Variants in MKLN1 observed in about 807,000 individuals in gnomAD.
MKLN1 encodes muskelin.
In MKLN1, 18 loss-of-function variants were observed where a neutral mutation model predicts 99.0. That is an observed-to-expected ratio of 0.18 (90% CI 0.13 to 0.27). MKLN1 has a LOEUF of 0.27. MKLN1 is among the 10% of genes least tolerant of loss of function. The probability of loss-of-function intolerance (pLI) is 1.00; values close to 1 mark genes in which losing one functional copy is unlikely to be tolerated. For missense variants in MKLN1, 621 were observed against 875.9 expected, an observed-to-expected ratio of 0.71 and a Z score of 3.67; for synonymous variants, 288 against 293.2, an observed-to-expected ratio of 0.98 and a Z score of 0.18.
intron 3 of MKLN1, among the ~76,000 whole-genome samples, chr7:131,292,557 G>T (rs1200694566): frequency 6.6e-6 from 1 of 152,164 alleles, no homozygotes; most frequent in Non-Finnish European, 1.5e-5. Context: ...GTCCTTATAA[G>T]AAGACCAGGG....
chr7:131,173,249 G>A (rs188995368), intron 2 of MKLN1, among the ~76,000 whole-genome samples: 2 of 152,044 alleles, frequency 1.3e-5, no homozygotes, highest in East Asian at 3.9e-4. Context: ...CCATCTTGAA[G>A]GAAATATTAA....
intron 1 of MKLN1, among the ~76,000 whole-genome samples, chr7:131,116,938 C>T (rs541521604): frequency 6.6e-6 from 1 of 152,036 alleles, no homozygotes; most frequent in Non-Finnish European, 1.5e-5. Flanking sequence ...CTATGGAGGG[C>T]AATCTGGCAA....
Position 131,496,536 on chromosome 7 carries a change from A to G in MKLN1, c.*8808A>G, listed in dbSNP as rs968757085. 11 of 152,112 alleles carry G rather than the reference A, an allele frequency of 7.2e-5. No individual in the cohort carries two copies. Among genetic ancestry groups the G allele is most frequent in the Admixed American group, 5.9e-4 (9 of 15,274 alleles). 9.4% of individuals were successfully genotyped at this position (152,112 alleles called of 1,614,324 possible). ...GAATAAATAAATGAGTGATCTGCTA[A>G]AAATGGCAATTGTAGAATTATGTTG... On this transcript the variant is annotated 3_prime_UTR_variant, in exon 18 of 18. Coordinates refer to ENST00000352689, the MANE Select transcript of MKLN1 (RefSeq NM_013255.5).
At chr7:131,403,590 A>C (rs995546352) in intron 6 of MKLN1, among the ~76,000 whole-genome samples, 1 of 152,076 alleles carries the variant, frequency 6.6e-6, no homozygotes, top group Non-Finnish European at 1.5e-5. Flanking sequence ...AATTATTTCT[A>C]GTTTTTTTAT....
At chr7:131,353,918 A>C (rs1419091660) in intron 1 of MKLN1, among the ~76,000 whole-genome samples, 8 of 151,150 alleles carry the variant, frequency 5.3e-5, no homozygotes, top group Admixed American at 4.6e-4. Context: ...AAAAAAAAAA[A>C]AAAAAACCAG....
At chr7:131,406,683 C>G (rs375281484) in intron 6 of MKLN1, among the ~76,000 whole-genome samples, 1 of 151,964 alleles carries the variant, frequency 6.6e-6, no homozygotes, top group Non-Finnish European at 1.5e-5. Flanking sequence ...TGCAGCTCAA[C>G]TCTCTCAGAA....
intron 17 of MKLN1, among the ~76,000 whole-genome samples, chr7:131,480,082 A>G (rs185539260): frequency 1.6e-3 from 243 of 151,542 alleles, no homozygotes; most frequent in Non-Finnish European, 2.9e-3. Flanking sequence ...TAGAACCCAG[A>G]CCTTTACTTG....
At chr7:131,414,619 A>T in intron 7 of MKLN1, 26 bp from the exon 8 acceptor site, 1 of 1,535,378 alleles carries the variant, frequency 6.5e-7, no homozygotes. Context: ...TTATTCCTTT[A>T]AAAGAAACTA....
chr7:131,440,137 G>A (rs901186938), intron 10 of MKLN1, among the ~76,000 whole-genome samples: 2 of 152,186 alleles, frequency 1.3e-5, no homozygotes, highest in African/African-American at 4.8e-5. Context: ...GCCACTAGAA[G>A]AATCAGTGAA....
intron 3 of MKLN1, among the ~76,000 whole-genome samples, chr7:131,208,634 G>A (rs981837480): frequency 1.3e-5 from 2 of 152,182 alleles, no homozygotes; most frequent in East Asian, 1.9e-4. Context: ...CTGGTAATAT[G>A]TTACAGATAT....
chr7:131,307,401 C>T (rs575870139), intron 3 of MKLN1, among the ~76,000 whole-genome samples: 8 of 152,230 alleles, frequency 5.3e-5, no homozygotes, highest in African/African-American at 1.7e-4. Flanking sequence ...AAGAGGACAA[C>T]CATCCTCCAG....
upstream of MKLN1, chr7:131,323,431 C>T (rs974863762): frequency 3.3e-5 from 5 of 152,172 alleles, no homozygotes; most frequent in Non-Finnish European, 5.9e-5. Flanking sequence ...CAGTGGAAGT[C>T]AGTCTCTTAT....
chr7:131,233,582 AT>A (rs1194137005), intron 3 of MKLN1, among the ~76,000 whole-genome samples: 1 of 151,858 alleles, frequency 6.6e-6, no homozygotes, highest in Non-Finnish European at 1.5e-5. Flanking sequence ...GTTTTTAGAT[AT>A]TTTAAAAATA....
chr7:131,440,027 C>T (rs1215424236), intron 10 of MKLN1, among the ~76,000 whole-genome samples: 2 of 152,046 alleles, frequency 1.3e-5, no homozygotes, highest in Admixed American at 1.3e-4. Context: ...TTGAAGCCCA[C>T]AACAGTATAA....
chr7:131,317,264 A>G (rs1410330212), intron 3 of MKLN1, among the ~76,000 whole-genome samples: 2 of 152,228 alleles, frequency 1.3e-5, no homozygotes, highest in Non-Finnish European at 2.9e-5. Flanking sequence ...CTCTCTGCAG[A>G]AACCCTACAA....
At chr7:131,190,996 C>T (rs972060390) in intron 2 of MKLN1, among the ~76,000 whole-genome samples, 1 of 152,306 alleles carries the variant, frequency 6.6e-6, no homozygotes, top group Non-Finnish European at 1.5e-5. Context: ...GGAGTGAGGA[C>T]CGAGACTCTC....
chr7:131,232,800 G>A (rs181552867), intron 3 of MKLN1, among the ~76,000 whole-genome samples: 6 of 152,078 alleles, frequency 3.9e-5, no homozygotes, highest in South Asian at 2.1e-4. Flanking sequence ...AGTGAGCTAC[G>A]ATGCCACTGC....
At chr7:131,485,964 A>G (rs989140993) in intron 17 of MKLN1, among the ~76,000 whole-genome samples, 2 of 152,076 alleles carry the variant, frequency 1.3e-5, no homozygotes, top group African/African-American at 4.8e-5. Context: ...AATTTAATAT[A>G]TATTGGTTAT....
At chr7:131,306,035 T>C (rs1477236442) in intron 3 of MKLN1, among the ~76,000 whole-genome samples, 3 of 152,154 alleles carry the variant, frequency 2.0e-5, no homozygotes, top group Non-Finnish European at 4.4e-5. Flanking sequence ...GTTCACATGA[T>C]AGTGAGTTCT....
Sources: allele counts gnomAD v4.1 joint callset (sites outside exome capture counted in the v4.1 genomes callset), GRCh38; gene constraint gnomAD v4.1.1; transcripts MANE v1.5; gene names NCBI Gene and HGNC (gene_info 2026-07-23, HGNC 2026-07-21).